The following TNFRSF1A variants were observed in gnomAD, a reference collection of about 807,000 sequenced individuals.
TNFRSF1A encodes tumor necrosis factor receptor superfamily member 1A.
In TNFRSF1A, 9 loss-of-function variants were observed where a neutral mutation model predicts 41.6. The observed-to-expected ratio is 0.22, with a 90% CI of 0.13 to 0.38. The LOEUF (loss-of-function observed/expected upper bound fraction) is 0.38, where lower values mean the gene tolerates loss of function less well. TNFRSF1A is among the 10% of genes least tolerant of loss of function. The pLI is 1.00. For missense variants in TNFRSF1A, 463 were observed against 591.5 expected (o/e 0.78, Z 2.25); for synonymous variants, 254 against 248.6 (o/e 1.02, Z -0.21).
Position 6,330,029 on chromosome 12 carries a change from G to A in TNFRSF1A, c.806C>T (p.Pro269Leu). 1 of 1,612,302 alleles carries A rather than the reference G, an allele frequency of 6.2e-7. No homozygotes were observed. Among genetic ancestry groups the A allele is most frequent in the Non-Finnish European group, 8.5e-7 (1 of 1,179,448 alleles). Residue 269 changes from proline to leucine, a missense_variant, in exon 9 of 10, where the codon CCA becomes CTA. This residue lies in a region of TNFRSF1A where 277 missense variants were observed against 288.8 expected (regional missense o/e 0.96). Coordinates refer to ENST00000162749, the MANE Select transcript of TNFRSF1A (RefSeq NM_001065.4). ...TGGAGTGGGACTGAAGCTTGGGTTT[G>A]GGGCCAGGGGCTTAGTAGTAGTTCC... Reference protein sequence around the residue: ...LEGTTTKPLAPNPSFSPTPGF... With the variant: ...LEGTTTKPLALNPSFSPTPGF...
intron 1 of TNFRSF1A, among the ~76,000 whole-genome samples, chr12:6,336,501 T>G (rs1196303490): frequency 1.3e-5 from 2 of 151,950 alleles, no homozygotes; most frequent in East Asian, 3.9e-4. Context: ...GCCAAGTCCC[T>G]CCTTCCCATC....
At chr12:6,332,783 A>G (rs142630868) in intron 5 of TNFRSF1A, among the ~76,000 whole-genome samples, 1 of 152,324 alleles carries the variant, frequency 6.6e-6, no homozygotes, top group East Asian at 1.9e-4. Flanking sequence ...ATAAGAGTGT[A>G]TGTCCTAGAA....
In TNFRSF1A at chr12:6,333,077, G is replaced by A. The variant is rs1217464474; in HGVS notation, c.543C>T (p.Ser181=). 2 of 1,613,966 alleles carry A rather than the reference G, an allele frequency of 1.2e-6. No homozygotes were observed. The highest frequency in any genetic ancestry group is 1.3e-5 in the African/African-American group (1 of 74,928). The change falls in exon 5 of 10, where the codon TCC becomes TCT. Residue 181 remains serine, a synonymous_variant. Coordinates refer to ENST00000162749, the MANE Select transcript of TNFRSF1A (RefSeq NM_001065.4). The surrounding 1 kb of genome is among the most constrained non-coding windows in gnomAD (Gnocchi z 6.3). The part of the protein sequence containing the change: ...GFFLRENECV[S]CSNCKKSLEC... Reference sequence around the variant, plus strand: ...CTCTCAGAGATACTCACTTACTACAGGAGACACACTCGTTTTCTCTTAGAA... The same window carrying A: ...CTCTCAGAGATACTCACTTACTACAAGAGACACACTCGTTTTCTCTTAGAA...
chr12:6,337,340 A>G lies in TNFRSF1A; in HGVS notation c.40-3096T>C, dbSNP rs1948134561. ...GGAGAGACAGTTGAGGGGGTGGCCC[A>G]ACACCCCTCCAACTCCCCCACAATT... is the stretch of plus-strand genomic sequence containing the variant. On this transcript the variant is annotated intron_variant, in intron 1 of 9. Coordinates refer to ENST00000162749, the MANE Select transcript of TNFRSF1A (RefSeq NM_001065.4). This position sits in a 1 kb window ranked among gnomAD's most constrained non-coding sequence, Gnocchi z 4.6. Among the ~76,000 whole-genome samples, 1 of 152,178 alleles carries G rather than the reference A, an allele frequency of 6.6e-6. No homozygotes were observed. The highest frequency in any genetic ancestry group is 2.1e-4 in the South Asian group (1 of 4,828).
chr12:6,336,835 C>T (rs932654497), intron 1 of TNFRSF1A, among the ~76,000 whole-genome samples: 2 of 152,252 alleles, frequency 1.3e-5, no homozygotes, highest in African/African-American at 4.8e-5. Flanking sequence ...AGGAAGCAAG[C>T]CAAGGCTGCC....
intron 1 of TNFRSF1A, among the ~76,000 whole-genome samples, chr12:6,335,496 G>T (rs963000485): frequency 4.6e-5 from 7 of 152,180 alleles, no homozygotes; most frequent in Non-Finnish European, 1.0e-4. Flanking sequence ...CAGCTAAATG[G>T]CTTGTCCTGT....
chr12:6,333,154 G>C lies in TNFRSF1A; in HGVS notation c.473-7C>G, dbSNP rs368839519. On this transcript the variant is annotated splice_polypyrimidine_tract_variant and splice_region_variant and intron_variant, in intron 4 of 9. Coordinates refer to ENST00000162749, the MANE Select transcript of TNFRSF1A (RefSeq NM_001065.4). The surrounding 1 kb of genome is among the most constrained non-coding windows in gnomAD (Gnocchi z 6.3). ...GTGTTCTGTTTCTCCTGGCCTGTAG[G>C]GAGAAGTGCGGCACAGCTAAAGGAG... 1 of 1,613,946 alleles carries C rather than the reference G, an allele frequency of 6.2e-7. No individual in the cohort carries two copies. The highest frequency in any genetic ancestry group is 8.5e-7 in the Non-Finnish European group (1 of 1,179,936).
rs980548013 is a variant in TNFRSF1A at position 6,334,024 on chromosome 12, T to C, written c.193+67A>G. On this transcript the variant is annotated intron_variant, in intron 2 of 9. Transcript: ENST00000162749. This position sits in a 1 kb window ranked among gnomAD's most constrained non-coding sequence, Gnocchi z 5.1. The stretch of plus-strand genomic sequence containing the variant: ...GACAGCAAAGTTAGGGAAGAACAAC[T>C]GGAAGAAGCAGAGAAAGAAGCAGCA... 3.1e-6 allele frequency: 5 copies of C among 1,612,016 alleles called. No individual in the cohort carries two copies. In the African/African-American group the frequency reaches 6.7e-5, roughly 22 times the overall value.
chr12:6,337,369 G>A lies in TNFRSF1A; in HGVS notation c.40-3125C>T, dbSNP rs991160744. ...CCCCTCCAACTCCCCCACAATTTCC[G>A]CCAGAGGAGGCTTTAAAGTGTGACT... On this transcript the variant is annotated intron_variant, in intron 1 of 9. Coordinates refer to ENST00000162749, the MANE Select transcript of TNFRSF1A (RefSeq NM_001065.4). This position sits in a 1 kb window ranked among gnomAD's most constrained non-coding sequence, Gnocchi z 4.6. Among the ~76,000 whole-genome samples the A allele has an allele frequency of 2.0e-5, 3 of 152,162 alleles. No homozygotes were observed. The highest frequency in any genetic ancestry group is 7.2e-5 in the African/African-American group (3 of 41,446).
Position 6,341,864 on chromosome 12 carries a change from G to A in TNFRSF1A, c.-50C>T. 6.2e-7 allele frequency: 1 copy of A among 1,609,404 alleles called. No individual in the cohort carries two copies. The highest frequency in any genetic ancestry group is 8.5e-7 in the Non-Finnish European group (1 of 1,176,082). On this transcript the variant is annotated 5_prime_UTR_variant, in exon 1 of 10. Transcript: ENST00000162749. The surrounding 1 kb of genome is among the most constrained non-coding windows in gnomAD (Gnocchi z 4.6). ...CCCCCATTTGGGCTCAGGGCAGTGTGGCAGCGGCAGTGCTGGGGCTTCCCG... is the reference window on the plus strand; with the variant it reads ...CCCCCATTTGGGCTCAGGGCAGTGTAGCAGCGGCAGTGCTGGGGCTTCCCG...
In TNFRSF1A at chr12:6,333,997, G is replaced by A; in HGVS notation, c.193+94C>T. 1 of 1,611,426 alleles carries A rather than the reference G, an allele frequency of 6.2e-7. No individual in the cohort carries two copies. The highest frequency in any genetic ancestry group is 8.5e-7 in the Non-Finnish European group (1 of 1,177,672). On this transcript the variant is annotated intron_variant, in intron 2 of 9. Coordinates refer to ENST00000162749, the MANE Select transcript of TNFRSF1A (RefSeq NM_001065.4). The surrounding 1 kb of genome is among the most constrained non-coding windows in gnomAD (Gnocchi z 6.3). Reference sequence around the variant, plus strand: ...GGAGGGAGAAAATCCCAGCCCAGGAGAGACAGCAAAGTTAGGGAAGAACAA... The same window carrying A: ...GGAGGGAGAAAATCCCAGCCCAGGAAAGACAGCAAAGTTAGGGAAGAACAA...
rs1463481596 is a variant in TNFRSF1A at position 6,337,093 on chromosome 12, T to C, written c.40-2849A>G. Among the ~76,000 whole-genome samples the C allele has an allele frequency of 6.6e-6, 1 of 152,196 alleles. No individual in the cohort carries two copies. Among genetic ancestry groups the C allele is most frequent in the African/African-American group, 2.4e-5 (1 of 41,446 alleles). On this transcript the variant is annotated intron_variant, in intron 1 of 9. Coordinates refer to ENST00000162749, the MANE Select transcript of TNFRSF1A (RefSeq NM_001065.4). The surrounding 1 kb of genome is among the most constrained non-coding windows in gnomAD (Gnocchi z 4.6). ...GAAGAACCAGCCCTGCTTCCTAGGC[T>C]TCCCCTGGCCCCCAGAATGCTCCAG...
rs1948095289 is a variant in TNFRSF1A at position 6,334,567 on chromosome 12, CA to C, written c.40-324del. The stretch of plus-strand genomic sequence containing the variant: ...TTGTCCAGGCTGGAGTGCAGTGATG[CA>C]ATCACTGCACCCTCCACCACCCACG... On this transcript the variant is annotated intron_variant, in intron 1 of 9. Transcript: ENST00000162749. This position sits in a 1 kb window ranked among gnomAD's most constrained non-coding sequence, Gnocchi z 5.1. Among the ~76,000 whole-genome samples the C allele has an allele frequency of 6.6e-6, 1 of 151,744 alleles. No individual in the cohort carries two copies. Among genetic ancestry groups the C allele is most frequent in the Non-Finnish European group, 1.5e-5 (1 of 67,968 alleles).
intron 8 of TNFRSF1A, 94 bp downstream of exon 8, chr12:6,330,173 G>A (rs1948026108): frequency 1.2e-6 from 2 of 1,611,866 alleles, no homozygotes; most frequent in South Asian, 1.1e-5. Flanking sequence ...GCGAGCCCCC[G>A]GAAAGTGAAG....
chr12:6,340,813 A>G (rs1948185516), intron 1 of TNFRSF1A, among the ~76,000 whole-genome samples: 3 of 152,288 alleles, frequency 2.0e-5, no homozygotes, highest in Admixed American at 2.0e-4. Context: ...ACATCTGAAC[A>G]GGATGATTCC....
At chr12:6,340,772 G>A (rs1321053855) in intron 1 of TNFRSF1A, among the ~76,000 whole-genome samples, 5 of 152,152 alleles carry the variant, frequency 3.3e-5, no homozygotes, top group African/African-American at 1.2e-4. Context: ...GGGCAGGGCA[G>A]GGAAAATCTG....
chr12:6,339,621 C>T (rs917650834), intron 1 of TNFRSF1A, among the ~76,000 whole-genome samples: 4 of 152,176 alleles, frequency 2.6e-5, no homozygotes, highest in South Asian at 2.1e-4. Flanking sequence ...TCCCCAGTTC[C>T]TCCTCCTCCC....
At position 6,333,313 on chromosome 12, in the gene TNFRSF1A, G is replaced by T; in HGVS notation, c.472+54C>A. On this transcript the variant is annotated intron_variant, in intron 4 of 9. Transcript: ENST00000162749. The surrounding 1 kb of genome is among the most constrained non-coding windows in gnomAD (Gnocchi z 6.3). ...AAAGGAAGTGCCACCGCATGGGGAA[G>T]GGGCCAACCCCTGGGGTGGGGAGAG... The T allele has an allele frequency of 6.3e-7, 1 of 1,599,498 alleles. No homozygotes were observed.
intron 1 of TNFRSF1A, among the ~76,000 whole-genome samples, chr12:6,339,747 G>A (rs919218130): frequency 4.6e-5 from 7 of 152,020 alleles, no homozygotes; most frequent in African/African-American, 1.7e-4. Context: ...AGCTCTTTGA[G>A]AGCAGCAAAA....
Sources: gnomAD v4.1 joint callset for allele counts (sites outside exome capture counted in the v4.1 genomes callset) on GRCh38, gnomAD v4.1.1 for gene constraint, gnomAD v4.1.1 regional missense constraint, Gnocchi (gnomAD v3.1) non-coding constraint, MANE v1.5 for transcripts, NCBI Gene and HGNC (gene_info 2026-07-23, HGNC 2026-07-21) for gene names.